PTPRG: variants seen among roughly 807,000 people sequenced by gnomAD.
The protein encoded by PTPRG is receptor-type tyrosine-protein phosphatase gamma.
A neutral mutation model predicts 165.3 loss-of-function variants in PTPRG; 102 were observed. That is an observed-to-expected ratio of 0.62 (90% CI 0.53 to 0.73). The LOEUF (loss-of-function observed/expected upper bound fraction) is 0.73. PTPRG is among the 30% of genes least tolerant of loss of function. PTPRG has a pLI of 0.00. For missense variants in PTPRG, 1,866 were observed against 1,861.4 expected (o/e 1.00, Z -0.05); for synonymous variants, 675 against 669.5 (o/e 1.01, Z -0.13).
chr3:61,964,835 A>G (rs2040231611), intron 2 of PTPRG, among the ~76,000 whole-genome samples: 1 of 152,084 alleles, frequency 6.6e-6, no homozygotes, highest in South Asian at 2.1e-4. Flanking sequence ...ATTTGATCAC[A>G]TACTGTCTCA....
At position 62,203,893 on chromosome 3, in the gene PTPRG, C is replaced by T; in HGVS notation, c.2098C>T (p.Pro700Ser). 3 of 1,612,282 alleles carry T rather than the reference C, an allele frequency of 1.9e-6. No individual in the cohort carries two copies. Among genetic ancestry groups the T allele is most frequent in the Non-Finnish European group, 2.5e-6 (3 of 1,179,096 alleles). Residue 700 changes from proline to serine, a missense_variant, in exon 12 of 30, where the codon CCT (proline) becomes TCT (serine). Transcript: ENST00000474889. This position sits in a 1 kb window ranked among gnomAD's most constrained non-coding sequence, Gnocchi z 6.4. ...PKRPEMPSKK[P>S]MSRGDRFSED... ...GAGGCCCGAAATGCCATCTAAAAAG[C>T]CTATGTCCCGCGGGGACCGATTTTC...
intron 5 of PTPRG, among the ~76,000 whole-genome samples, chr3:62,123,707 C>T (rs1439438868): frequency 6.6e-6 from 1 of 152,036 alleles, no homozygotes; most frequent in Non-Finnish European, 1.5e-5. Context: ...TACAAGAAAA[C>T]TCTAATTAAA....
At chr3:62,149,753 G>T (rs1012624764) in intron 6 of PTPRG, among the ~76,000 whole-genome samples, 1 of 152,150 alleles carries the variant, frequency 6.6e-6, no homozygotes. Flanking sequence ...GGCCGGTCTA[G>T]ACTTAACCCA....
chr3:62,150,404 G>A (rs939446493), intron 6 of PTPRG, among the ~76,000 whole-genome samples: 1 of 152,178 alleles, frequency 6.6e-6, no homozygotes, highest in Non-Finnish European at 1.5e-5. Context: ...GAGACCAGCA[G>A]CATCCATTTT....
chr3:61,789,989 T>C (rs771711970), intron 2 of PTPRG, among the ~76,000 whole-genome samples: 1 of 152,188 alleles, frequency 6.6e-6, no homozygotes, highest in Non-Finnish European at 1.5e-5. Context: ...CAGCAGCTGT[T>C]TCCTGGTACC....
intron 28 of PTPRG, among the ~76,000 whole-genome samples, chr3:62,288,818 A>C (rs1702768936): frequency 6.6e-6 from 1 of 152,192 alleles, no homozygotes; most frequent in South Asian, 2.1e-4. Context: ...GACGAAACAG[A>C]AATGAAATGA....
At chr3:61,866,798 C>G (rs1252503846) in intron 2 of PTPRG, among the ~76,000 whole-genome samples, 1 of 151,872 alleles carries the variant, frequency 6.6e-6, no homozygotes, top group Non-Finnish European at 1.5e-5. Context: ...GGCATTTCAC[C>G]ATGTTGGCCA....
intron 2 of PTPRG, among the ~76,000 whole-genome samples, chr3:61,986,825 A>T (rs1242908052): frequency 6.6e-6 from 1 of 152,174 alleles, no homozygotes; most frequent in Non-Finnish European, 1.5e-5. Flanking sequence ...CTTATTTTAG[A>T]TGGGTAATAT....
intron 5 of PTPRG, among the ~76,000 whole-genome samples, chr3:62,087,920 G>C (rs1441259651): frequency 6.6e-6 from 1 of 152,122 alleles, no homozygotes; most frequent in East Asian, 1.9e-4. Flanking sequence ...CTGTGTGTCT[G>C]TAATTATTTT....
intron 1 of PTPRG, among the ~76,000 whole-genome samples, chr3:61,635,413 G>A (rs1291953754): frequency 6.6e-6 from 1 of 151,206 alleles, no homozygotes; most frequent in East Asian, 1.9e-4. Context: ...TTGGAGTGCA[G>A]CGGCATGATC....
intron 4 of PTPRG, among the ~76,000 whole-genome samples, chr3:62,020,879 T>G (rs189082636): frequency 9.8e-4 from 149 of 151,858 alleles, no homozygotes; most frequent in Admixed American, 2.2e-3. Flanking sequence ...CTTGCTATAT[T>G]GCCCAGGTTG....
At chr3:61,761,437 G>A (rs950953125) in intron 2 of PTPRG, among the ~76,000 whole-genome samples, 1 of 152,130 alleles carries the variant, frequency 6.6e-6, no homozygotes, top group Non-Finnish European at 1.5e-5. Context: ...AAATTAGCCA[G>A]GCGTGGTGGT....
At chr3:62,085,448 T>A (rs755944427) in intron 5 of PTPRG, among the ~76,000 whole-genome samples, 1 of 152,194 alleles carries the variant, frequency 6.6e-6, no homozygotes, top group Non-Finnish European at 1.5e-5. Flanking sequence ...AAGGACTGTT[T>A]TACTGTAAAG....
At chr3:62,208,219 C>T (rs1187561269) in intron 12 of PTPRG, among the ~76,000 whole-genome samples, 2 of 152,050 alleles carry the variant, frequency 1.3e-5, no homozygotes, top group African/African-American at 2.4e-5. Context: ...TTCTTTAGTG[C>T]AAAGCCCTCA....
chr3:61,594,837 G>A (rs964190411), intron 1 of PTPRG, among the ~76,000 whole-genome samples: 1 of 152,194 alleles, frequency 6.6e-6, no homozygotes, highest in Admixed American at 6.5e-5. Context: ...TGCGCACAGT[G>A]TGTTTGGGGA....
chr3:62,115,987 T>C (rs1477217504), intron 5 of PTPRG, among the ~76,000 whole-genome samples: 1 of 152,216 alleles, frequency 6.6e-6, no homozygotes, highest in Non-Finnish European at 1.5e-5. Flanking sequence ...TTTGGGGTGT[T>C]TATTCGATAA....
chr3:61,716,407 A>C (rs1231242403), intron 1 of PTPRG, among the ~76,000 whole-genome samples: 1 of 152,234 alleles, frequency 6.6e-6, no homozygotes, highest in African/African-American at 2.4e-5. Context: ...ACACAAGATC[A>C]TCTACCCTGT....
chr3:61,894,611 TA>T (rs2038302275), intron 2 of PTPRG, among the ~76,000 whole-genome samples: 2 of 152,316 alleles, frequency 1.3e-5, no homozygotes, highest in African/African-American at 4.8e-5. Flanking sequence ...AGAGACTTAC[TA>T]AAGGTAATCG....
intron 2 of PTPRG, among the ~76,000 whole-genome samples, chr3:61,888,801 G>A (rs193024704): frequency 3.3e-5 from 5 of 152,174 alleles, no homozygotes; most frequent in Admixed American, 2.6e-4. Flanking sequence ...ATTGCATTTT[G>A]TTGTCATGTC....
Sources: allele counts gnomAD v4.1 joint callset (sites outside exome capture counted in the v4.1 genomes callset), GRCh38; gene constraint gnomAD v4.1.1; non-coding constraint Gnocchi (gnomAD v3.1); transcripts MANE v1.5; gene names NCBI Gene and HGNC (gene_info 2026-07-23, HGNC 2026-07-21).